The following PLEKHA8 variants were observed in gnomAD, a reference collection of about 807,000 sequenced individuals.
The protein encoded by PLEKHA8 is pleckstrin homology domain-containing family A member 8.
PLEKHA8 carries 36 observed loss-of-function variants against 68.2 expected under a neutral mutation model. The ratio of observed to expected loss-of-function variants is 0.53; its 90% confidence interval spans 0.40 to 0.70. The LOEUF (loss-of-function observed/expected upper bound fraction) is 0.70, where lower values mean the gene tolerates loss of function less well. PLEKHA8 is among the 30% of genes least tolerant of loss of function. The pLI, the probability that PLEKHA8 is intolerant of heterozygous loss-of-function variation, is 0.00. For synonymous variants in PLEKHA8, 211 were observed against 216.1 expected, an observed-to-expected ratio of 0.98 and a Z score of 0.20; for missense variants, 505 against 615.4, an observed-to-expected ratio of 0.82 and a Z score of 1.90.
chr7:30,056,399 C>T lies in PLEKHA8; in HGVS notation c.1039+1057C>T, dbSNP rs1230890792. ...TAACATATATATAATATATATAACA[C>T]ATATATATAACATACATATATATGT... On this transcript the variant is annotated intron_variant, in intron 9 of 13. Transcript: ENST00000449726. Among the ~76,000 whole-genome samples, 22 of 129,230 alleles carry T rather than the reference C, an allele frequency of 1.7e-4. 1 individual carries two copies. The highest frequency in any genetic ancestry group is 6.1e-4 in the African/African-American group (21 of 34,260). The allele number at this position is 129,230 out of a possible 152,430, so 84.8% of individuals were successfully genotyped here.
Position 30,062,001 on chromosome 7 carries a change from G to T in PLEKHA8, c.1203G>T (p.Ala401=). The T allele has an allele frequency of 1.2e-6, 2 of 1,613,752 alleles. No individual in the cohort carries two copies. The highest frequency in any genetic ancestry group is 2.7e-5 in the African/African-American group (2 of 75,038). ...ATGTAGCCCAGGTTAGGAACTCAGC[G>T]ACTGAAGCCCTCTTGTGGCTGAAGA... ...EADVAQVRNS[A]TEALLWLKRG... Residue 401 remains alanine, a synonymous_variant, in exon 11 of 14, where the codon GCG becomes GCT. Coordinates refer to ENST00000449726, the MANE Select transcript of PLEKHA8 (RefSeq NM_001197026.2).
chr7:30,089,117 G>A (rs1479446314), downstream of PLEKHA8, among the ~76,000 whole-genome samples: 9 of 152,178 alleles, frequency 5.9e-5, no homozygotes, highest in Non-Finnish European at 1.5e-5. Flanking sequence ...AGACAGAGCA[G>A]AGTCCAGTCC....
In PLEKHA8 at chr7:30,061,936, AC is replaced by A; in HGVS notation, c.1140del (p.Thr381LeufsTer5). On this transcript the variant is annotated frameshift_variant, in exon 11 of 14. Coordinates refer to ENST00000449726, the MANE Select transcript of PLEKHA8 (RefSeq NM_001197026.2). LOFTEE classifies it high-confidence loss of function. ...GTATATAACCAACAAAGAAGAGTTT[AC>A]CACTCTCCAGAAGATAGTGCTGCAC... is the stretch of plus-strand genomic sequence containing the variant. ...QKYITNKEEF[T>X]TLQKIVLHEV... 6.2e-7 allele frequency: 1 copy of A among 1,614,146 alleles called. No individual in the cohort carries two copies. The highest frequency in any genetic ancestry group is 8.5e-7 in the Non-Finnish European group (1 of 1,179,982).
intron 12 of PLEKHA8, among the ~76,000 whole-genome samples, chr7:30,073,005 T>C (rs1772358875): frequency 6.6e-6 from 1 of 152,236 alleles, no homozygotes; most frequent in African/African-American, 2.4e-5. Flanking sequence ...ATATATTGAA[T>C]TATTCAAATT....
chr7:30,092,678 G>A (rs2128006551), downstream of PLEKHA8, among the ~76,000 whole-genome samples: 1 of 152,262 alleles, frequency 6.6e-6, no homozygotes, highest in East Asian at 1.9e-4. Context: ...TGAATGAACT[G>A]CCTTCTCCAC....
At chr7:30,097,674 C>T (rs955226929) in intron 13 of PLEKHA8, among the ~76,000 whole-genome samples, 1 of 152,194 alleles carries the variant, frequency 6.6e-6, no homozygotes, top group Non-Finnish European at 1.5e-5. Flanking sequence ...GTTTTCAGCT[C>T]CATCAGGTCC....
At chr7:30,120,348 A>G (rs1423680778) in intron 13 of PLEKHA8, among the ~76,000 whole-genome samples, 2 of 152,222 alleles carry the variant, frequency 1.3e-5, no homozygotes, top group African/African-American at 4.8e-5. Context: ...GTAACGTACA[A>G]AAAAGCGGAA....
intron 6 of PLEKHA8, 101 bp from the exon 7 acceptor site, chr7:30,052,608 G>A: frequency 9.7e-7 from 1 of 1,036,032 alleles, no homozygotes; most frequent in Non-Finnish European, 1.3e-6. Flanking sequence ...CCACTGTACT[G>A]CAGCCTGGGT....
intron 7 of PLEKHA8, 70 bp downstream of exon 7, chr7:30,052,936 TC>T: frequency 7.7e-7 from 1 of 1,299,352 alleles, no homozygotes; most frequent in Non-Finnish European, 1.1e-6. Flanking sequence ...TTGATGAATA[TC>T]CATGATAGGG....
chr7:30,058,479 T>TC (rs1166225054), intron 9 of PLEKHA8, among the ~76,000 whole-genome samples: 2 of 151,338 alleles, frequency 1.3e-5, no homozygotes, highest in Non-Finnish European at 2.9e-5. Flanking sequence ...TTCTTTTTTT[T>TC]TTTTTTTTTT....
chr7:30,061,785 A>C, intron 10 of PLEKHA8, 112 bp from the exon 11 acceptor site: 2 of 1,185,470 alleles, frequency 1.7e-6, no homozygotes, highest in Non-Finnish European at 2.4e-6. Context: ...ATAGGAGCTT[A>C]ATTTATTTTC....
Position 30,116,092 on chromosome 7 carries a change from A to G in PLEKHA8, c.1363-13174A>G, listed in dbSNP as rs575841923. ...TATACATGTATACATACGCATACAT[A>G]CGTATACATACGCATACATACACGT... On this transcript the variant is annotated intron_variant, in intron 13 of 13. Coordinates refer to the PLEKHA8 transcript ENST00000396257. The G allele has an allele frequency of 4.0e-5, 6 of 151,506 alleles. No individual in the cohort carries two copies. In the East Asian group the frequency reaches 9.7e-4, roughly 25 times the overall value. 9.4% of individuals were successfully genotyped at this position (151,506 alleles called of 1,614,324 possible). A position where few individuals can be genotyped will look rare whatever the true frequency, so the allele number is the denominator to read the frequency against.
chr7:30,123,985 T>C (rs1194951436), intron 13 of PLEKHA8, among the ~76,000 whole-genome samples: 1 of 152,256 alleles, frequency 6.6e-6, no homozygotes, highest in African/African-American at 2.4e-5. Flanking sequence ...TTTTATATGC[T>C]ACAGAGAGGC....
At position 30,080,904 on chromosome 7, in the gene PLEKHA8, G is replaced by T. The variant is rs887092603; in HGVS notation, c.*2117G>T. On this transcript the variant is annotated 3_prime_UTR_variant, in exon 14 of 14. Transcript: ENST00000449726. ...GATGTTTTAGGCATTGTACCATTTAGCGGGGATGATACCAGGTGGTTGTTA... is the reference window on the plus strand; with the variant it reads ...GATGTTTTAGGCATTGTACCATTTATCGGGGATGATACCAGGTGGTTGTTA... The T allele has an allele frequency of 1.7e-5, 17 of 985,278 alleles. No homozygotes were observed. In the African/African-American group the frequency reaches 2.8e-4, roughly 16 times the overall value. The allele number at this position is 985,278 out of a possible 1,614,324, so 61.0% of individuals were successfully genotyped here.
downstream of PLEKHA8, among the ~76,000 whole-genome samples, chr7:30,094,477 C>T (rs1355825767): frequency 6.6e-6 from 1 of 151,668 alleles, no homozygotes; most frequent in Non-Finnish European, 1.5e-5. Flanking sequence ...GGTTTCATCA[C>T]ATTGGCCAGG....
Position 30,115,862 on chromosome 7 carries a change from G to A in PLEKHA8, c.1363-13404G>A, listed in dbSNP as rs1388022808. On this transcript the variant is annotated intron_variant, in intron 13 of 13. Transcript: ENST00000396257. ...TGTATACACGTATGCATACATACGT[G>A]CACATACATGTAGGCACGCATACAT... 5.0e-4 allele frequency: 73 copies of A among 146,842 alleles called. 3 individuals carry two copies. Among genetic ancestry groups the A allele is most frequent in the Middle Eastern group, 3.7e-3 (1 of 270 alleles). 9.1% of individuals were successfully genotyped at this position (146,842 alleles called of 1,614,324 possible). A position where few individuals can be genotyped will look rare whatever the true frequency, so the allele number is the denominator to read the frequency against.
intron 12 of PLEKHA8, among the ~76,000 whole-genome samples, chr7:30,067,328 T>C (rs935800447): frequency 1.3e-5 from 2 of 152,120 alleles, no homozygotes; most frequent in Non-Finnish European, 2.9e-5. Flanking sequence ...AAATTAGCCA[T>C]GTGTGGTGGT....
At chr7:30,037,659 A>G (rs1361775350) in intron 1 of PLEKHA8, among the ~76,000 whole-genome samples, 1 of 151,870 alleles carries the variant, frequency 6.6e-6, no homozygotes, top group Non-Finnish European at 1.5e-5. Flanking sequence ...TTTTCCTCTT[A>G]TTGTTAATGA....
At chr7:30,113,505 T>G (rs916404515) in intron 13 of PLEKHA8, among the ~76,000 whole-genome samples, 8 of 152,228 alleles carry the variant, frequency 5.3e-5, no homozygotes, top group African/African-American at 1.7e-4. Context: ...ATCTTCACTT[T>G]GTTTTGTGGT....
Sources: allele counts gnomAD v4.1 joint callset (sites outside exome capture counted in the v4.1 genomes callset), GRCh38; gene constraint gnomAD v4.1.1; transcripts MANE v1.5; gene names NCBI Gene and HGNC (gene_info 2026-07-23, HGNC 2026-07-21).